Variants in NOCT observed in about 807,000 individuals in gnomAD.
NOCT encodes the protein CCR4 carbon catabolite repression 4-like.
NOCT carries 18 observed loss-of-function variants against 35.0 expected under a neutral mutation model. The observed-to-expected ratio is 0.51, with a 90% CI of 0.36 to 0.76. The LOEUF (loss-of-function observed/expected upper bound fraction) is 0.76. Ranked by LOEUF, NOCT falls within the 30% of genes least tolerant of loss-of-function variation. The pLI, the probability that NOCT is intolerant of heterozygous loss-of-function variation, is 0.01. For missense variants in NOCT, 479 were observed against 541.0 expected (o/e 0.89, Z 1.14); for synonymous variants, 235 against 226.3 (o/e 1.04, Z -0.34).
At position 139,044,747 on chromosome 4, in the gene NOCT, T is replaced by C. The variant is rs1022554103; in HGVS notation, c.569T>C (p.Ile190Thr). ...GAAATCCTGGCCTACCAGCCTGATA[T>C]ATTGTGCCTCCAAGAGGTGGACCAC... Reference protein sequence around the residue: ...LEEILAYQPDILCLQEVDHYF... With the variant: ...LEEILAYQPDTLCLQEVDHYF... The change falls in exon 3 of 3, where the codon ATA (isoleucine) becomes ACA (threonine). Residue 190 changes from isoleucine to threonine, a missense_variant. Physicochemically the swap from Ile to Thr is moderately conservative, Grantham distance 89. Coordinates refer to ENST00000280614, the MANE Select transcript of NOCT (RefSeq NM_012118.4). 24 of 1,614,042 alleles carry C rather than the reference T, an allele frequency of 1.5e-5. No individual in the cohort carries two copies. The highest frequency in any genetic ancestry group is 1.9e-5 in the Non-Finnish European group (22 of 1,180,012).
chr4:139,024,431 A>G (rs906836970), intron 1 of NOCT, among the ~76,000 whole-genome samples: 10 of 152,140 alleles, frequency 6.6e-5, no homozygotes, highest in Non-Finnish European at 1.5e-4. Context: ...GTCATTTTAA[A>G]TTCCTAGACA....
chr4:139,042,281 C>T (rs1051862636), intron 1 of NOCT, among the ~76,000 whole-genome samples: 2 of 151,914 alleles, frequency 1.3e-5, no homozygotes, highest in Non-Finnish European at 2.9e-5. Context: ...GTTGGCCAGG[C>T]TGGTCTCGAA....
chr4:139,021,691 T>C (rs1471761201), intron 1 of NOCT, among the ~76,000 whole-genome samples: 1 of 151,792 alleles, frequency 6.6e-6, no homozygotes, highest in African/African-American at 2.4e-5. Context: ...TCTGGCTTCT[T>C]GGAGTTAGGA....
At chr4:139,043,426 T>C in intron 2 of NOCT, 83 bp downstream of exon 2, 1 of 1,364,094 alleles carries the variant, frequency 7.3e-7, no homozygotes, top group Non-Finnish European at 1.0e-6. Context: ...TGCACTGTTT[T>C]ATGTGGAAGG....
At chr4:139,021,924 A>C (rs1342726315) in intron 1 of NOCT, among the ~76,000 whole-genome samples, 1 of 151,930 alleles carries the variant, frequency 6.6e-6, no homozygotes, top group Non-Finnish European at 1.5e-5. Context: ...ATGCCCGGCT[A>C]ATTTTTTTGT....
At chr4:139,043,428 T>C in intron 2 of NOCT, 85 bp downstream of exon 2, 1 of 1,367,248 alleles carries the variant, frequency 7.3e-7, no homozygotes. Context: ...CACTGTTTTA[T>C]GTGGAAGGAA....
Position 139,032,052 on chromosome 4 carries a change from A to G in NOCT, c.191-11022A>G, listed in dbSNP as rs575880036. Among the ~76,000 whole-genome samples the G allele has an allele frequency of 2.6e-5, 4 of 152,284 alleles. No individual in the cohort carries two copies. The East Asian group carries it at 5.8e-4, about 22-fold the overall frequency. On this transcript the variant is annotated intron_variant, in intron 1 of 2. Transcript: ENST00000280614. Reference sequence around the variant, plus strand: ...TTTAGGAAAGTAAAGGTATTGCCAAATGGGAGTTTACATACTTGCTACTGT... The same window carrying G: ...TTTAGGAAAGTAAAGGTATTGCCAAGTGGGAGTTTACATACTTGCTACTGT...
At position 139,045,709 on chromosome 4, in the gene NOCT, G is replaced by C. The variant is rs1465469912; in HGVS notation, c.*235G>C. On this transcript the variant is annotated 3_prime_UTR_variant, in exon 3 of 3. Coordinates refer to ENST00000280614, the MANE Select transcript of NOCT (RefSeq NM_012118.4). ...TTTTTTGTATTTTTAGTAGAGACGG[G>C]GTTTCACCGTGTTAGCCAGGATGGT... 5.2e-6 allele frequency: 2 copies of C among 386,702 alleles called. No individual in the cohort carries two copies. The highest frequency in any genetic ancestry group is 9.2e-6 in the Non-Finnish European group (2 of 217,742). The allele number at this position is 386,702 out of a possible 1,614,324, so 24.0% of individuals were successfully genotyped here.
chr4:139,025,491 C>G (rs1015636028), intron 1 of NOCT, among the ~76,000 whole-genome samples: 1 of 152,138 alleles, frequency 6.6e-6, no homozygotes, highest in Non-Finnish European at 1.5e-5. Flanking sequence ...TTCTTGTTTT[C>G]CAATGTTATT....
In NOCT at chr4:139,044,818, G is replaced by A. The variant is rs1726902545; in HGVS notation, c.640G>A (p.Gly214Ser). The A allele has an allele frequency of 1.9e-6, 3 of 1,614,196 alleles. No homozygotes were observed. The highest frequency in any genetic ancestry group is 2.7e-5 in the African/African-American group (2 of 75,062). The part of the protein sequence containing the change: ...QPLLSRLGYQ[G>S]TFFPKPWSPC... ...ACTCCTCAGTAGACTAGGCTATCAA[G>A]GCACGTTTTTCCCCAAACCCTGGTC... The change falls in exon 3 of 3, where the codon GGC becomes AGC. Residue 214 changes from glycine (G) to serine (S), a missense_variant. This residue lies in a region of NOCT where 214 missense variants were observed against 284.0 expected (regional missense o/e 0.75). Coordinates refer to ENST00000280614, the MANE Select transcript of NOCT (RefSeq NM_012118.4).
Position 139,016,013 on chromosome 4 carries a change from C to T in NOCT, c.32C>T (p.Ala11Val), listed in dbSNP as rs183350335. 2,106 of 1,397,982 alleles carry T rather than the reference C, an allele frequency of 1.5e-3. 8 individuals are homozygous for T. Among genetic ancestry groups the T allele is most frequent in the Non-Finnish European group, 1.9e-3 (2,018 of 1,077,478 alleles). The allele number at this position is 1,397,982 out of a possible 1,614,324, so 86.6% of individuals were successfully genotyped here. ...CATAGTCCGCGGCGGCTCTGCTCGG[C>T]CCTGCTGCAGAGGGACGCGCCCGGC... MFHSPRRLCS[A>V]LLQRDAPGLR... Residue 11 changes from alanine (A) to valine (V), a missense_variant, in exon 1 of 3, where the codon GCC becomes GTC. This residue lies in a region of NOCT where 265 missense variants were observed against 257.0 expected (regional missense o/e 1.03). Transcript: ENST00000280614.
chr4:139,042,077 T>TTTA (rs1215741918), intron 1 of NOCT, among the ~76,000 whole-genome samples: 1 of 146,258 alleles, frequency 6.8e-6, no homozygotes, highest in African/African-American at 2.5e-5. Flanking sequence ...AGATCTTTTT[T>TTTA]TTTTTTTTTT....
In NOCT at chr4:139,045,665, C is replaced by T. The variant is rs567744832; in HGVS notation, c.*191C>T. 4.8e-3 allele frequency: 2,268 copies of T among 472,496 alleles called. 18 individuals carry two copies. The highest frequency in any genetic ancestry group is 6.9e-3 in the South Asian group (165 of 23,768). 29.3% of individuals were successfully genotyped at this position (472,496 alleles called of 1,614,324 possible). ...CAGAGCAACTGGGACAACAGGCGCC[C>T]GTCACCACGCCCAGCTAATTTTTTG... On this transcript the variant is annotated 3_prime_UTR_variant, in exon 3 of 3. Transcript: ENST00000280614.
intron 1 of NOCT, among the ~76,000 whole-genome samples, chr4:139,025,375 T>C (rs930585199): frequency 1.3e-5 from 2 of 152,242 alleles, no homozygotes; most frequent in African/African-American, 4.8e-5. Flanking sequence ...CATTTACCTT[T>C]GGTAACTTGT....
Position 139,017,472 on chromosome 4 carries a change from C to T in NOCT, c.190+1301C>T, listed in dbSNP as rs574006600. On this transcript the variant is annotated intron_variant, in intron 1 of 2. Transcript: ENST00000280614. ...CGAACTCCCTAGCTCAGGTGAACCT[C>T]CCGCTTTGGCCTCCCAAAGTGCTGG... 4.7e-3 allele frequency among the ~76,000 whole-genome samples: 716 copies of T among 151,286 alleles called. 6 individuals are homozygous for T. The highest frequency in any genetic ancestry group is 0.017 in the African/African-American group (690 of 41,452).
chr4:139,024,334 GAGGCACCTAGCCA>G (rs1726475668), intron 1 of NOCT, among the ~76,000 whole-genome samples: 1 of 152,090 alleles, frequency 6.6e-6, no homozygotes, highest in Admixed American at 6.6e-5. Context: ...TTACAAGCAT[GAGGCACCTAGCCA>G]GGCCTCCATT....
intron 1 of NOCT, among the ~76,000 whole-genome samples, chr4:139,037,734 C>T (rs1345094504): frequency 6.6e-6 from 1 of 152,048 alleles, no homozygotes; most frequent in Non-Finnish European, 1.5e-5. Context: ...GAGAAGTAAG[C>T]AGATCTTGGC....
intron 1 of NOCT, among the ~76,000 whole-genome samples, chr4:139,037,153 C>T (rs1332469580): frequency 6.6e-6 from 1 of 152,194 alleles, no homozygotes; most frequent in Non-Finnish European, 1.5e-5. Flanking sequence ...TTTGGGTTTC[C>T]TGTAAGGTCT....
chr4:139,037,316 G>A (rs1726753920), intron 1 of NOCT, among the ~76,000 whole-genome samples: 1 of 152,188 alleles, frequency 6.6e-6, no homozygotes, highest in African/African-American at 2.4e-5. Flanking sequence ...AACTTGAAAG[G>A]CAAATTGCAG....
Sources: allele counts gnomAD v4.1 joint callset (sites outside exome capture counted in the v4.1 genomes callset), GRCh38; gene constraint gnomAD v4.1.1; regional missense constraint gnomAD v4.1.1; transcripts MANE v1.5; gene names NCBI Gene and HGNC (gene_info 2026-07-23, HGNC 2026-07-21).